Variants in SLC37A1 observed in about 807,000 individuals in gnomAD.
SLC37A1 encodes glucose-6-phosphate exchanger SLC37A1.
SLC37A1 carries 49 observed loss-of-function variants against 75.3 expected under a neutral mutation model. The observed-to-expected ratio is 0.65, with a 90% CI of 0.52 to 0.83. The LOEUF (loss-of-function observed/expected upper bound fraction) is 0.83. Among genes scored for constraint, SLC37A1 ranks in the 40% least tolerant of loss-of-function variants. The pLI is 0.00. For synonymous variants in SLC37A1, 268 were observed against 292.1 expected (o/e 0.92, Z 0.84); for missense variants, 566 against 695.0 (o/e 0.81, Z 2.09).
At chr21:42,577,480 A>G (rs1391268301) in intron 18 of SLC37A1, among the ~76,000 whole-genome samples, 2 of 152,242 alleles carry the variant, frequency 1.3e-5, no homozygotes, top group Non-Finnish European at 2.9e-5. Flanking sequence ...TGGGCAATAT[A>G]AAAAAGAACT....
chr21:42,568,189 C>T (rs1224511688), intron 16 of SLC37A1, among the ~76,000 whole-genome samples, 171 bp from the exon 17 acceptor site: 1 of 152,210 alleles, frequency 6.6e-6, no homozygotes, highest in Non-Finnish European at 1.5e-5. Context: ...CTCTTAAAAA[C>T]CCTTGAAGTT....
At chr21:42,520,369 T>C (rs2054618937) in intron 2 of SLC37A1, among the ~76,000 whole-genome samples, 1 of 152,200 alleles carries the variant, frequency 6.6e-6, no homozygotes, top group Non-Finnish European at 1.5e-5. Context: ...TCTGAGACAA[T>C]GGCCTTGTTG....
chr21:42,536,474 GT>G (rs900135729), intron 5 of SLC37A1, among the ~76,000 whole-genome samples: 2 of 151,484 alleles, frequency 1.3e-5, no homozygotes, highest in East Asian at 3.9e-4. Context: ...GTCCAGCCAG[GT>G]TTTTTTTTAA....
chr21:42,556,848 A>G (rs546705805), intron 10 of SLC37A1, among the ~76,000 whole-genome samples: 38 of 151,546 alleles, frequency 2.5e-4, no homozygotes, highest in Non-Finnish European at 5.6e-4. Context: ...GGAGCAAACA[A>G]CTCAGGTATG....
chr21:42,553,868 G>A (rs894625956), intron 9 of SLC37A1, among the ~76,000 whole-genome samples, 194 bp from the exon 10 acceptor site: 4 of 152,132 alleles, frequency 2.6e-5, no homozygotes, highest in African/African-American at 7.2e-5. Flanking sequence ...TTCAAGAGAG[G>A]ATTTTATGCT....
intron 3 of SLC37A1, among the ~76,000 whole-genome samples, chr21:42,533,320 C>T (rs1180356127): frequency 6.6e-6 from 1 of 152,208 alleles, no homozygotes; most frequent in African/African-American, 2.4e-5. Flanking sequence ...TCACTTGCCG[C>T]CATCACTCAC....
intron 2 of SLC37A1, among the ~76,000 whole-genome samples, chr21:42,520,486 C>T (rs2054621826): frequency 1.3e-5 from 2 of 152,260 alleles, no homozygotes; most frequent in South Asian, 4.1e-4. Flanking sequence ...TGACAGAAAT[C>T]CCATAGAAAT....
Position 42,580,711 on chromosome 21 carries a change from T to C in SLC37A1, c.*351T>C. 2.6e-6 allele frequency: 1 copy of C among 378,254 alleles called. No homozygotes were observed. The highest frequency in any genetic ancestry group is 4.9e-6 in the Non-Finnish European group (1 of 205,690). The allele number at this position is 378,254 out of a possible 1,614,324, so 23.4% of individuals were successfully genotyped here. ...GGGGGTGCACAGGTAGCCCCGACCC[T>C]CTCAGGCATTCCAGCCACAGAACAT... On this transcript the variant is annotated 3_prime_UTR_variant, in exon 20 of 20. Coordinates refer to ENST00000352133, the MANE Select transcript of SLC37A1 (RefSeq NM_001320537.2).
At chr21:42,574,775 T>C in intron 17 of SLC37A1, 43 bp from the exon 18 acceptor site, 1 of 1,602,480 alleles carries the variant, frequency 6.2e-7, no homozygotes, top group Admixed American at 1.7e-5. Context: ...GTGCTGGGAT[T>C]TTCTCTAAAC....
chr21:42,561,920 G>A (rs113128276), intron 11 of SLC37A1, 158 bp from the exon 12 acceptor site: 15 of 651,200 alleles, frequency 2.3e-5, no homozygotes, highest in African/African-American at 1.1e-4. Flanking sequence ...ACCACACAGC[G>A]GTGCAGCACC....
intron 2 of SLC37A1, among the ~76,000 whole-genome samples, chr21:42,503,578 C>T (rs1182650588): frequency 1.3e-5 from 2 of 152,094 alleles, no homozygotes. Context: ...AACAATGTGT[C>T]GGGTGTCTTT....
chr21:42,505,621 C>T (rs1412555489), intron 2 of SLC37A1, among the ~76,000 whole-genome samples: 1 of 152,186 alleles, frequency 6.6e-6, no homozygotes, highest in Admixed American at 6.5e-5. Flanking sequence ...CAGCCCCCAG[C>T]AGGTAGGGAG....
In SLC37A1 at chr21:42,528,782, G is replaced by A. The variant is rs375263641; in HGVS notation, c.138+2925G>A. 1.5e-4 allele frequency among the ~76,000 whole-genome samples: 23 copies of A among 152,200 alleles called. No homozygotes were observed. In the East Asian group the frequency reaches 4.1e-3, roughly 27 times the overall value. ...AGGCGAAGTTTGCAGTGAGCCGAGA[G>A]CGCACCATTGCCCTCCAGCCTGGGC... On this transcript the variant is annotated intron_variant, in intron 3 of 19. Coordinates refer to ENST00000352133, the MANE Select transcript of SLC37A1 (RefSeq NM_001320537.2).
intron 10 of SLC37A1, among the ~76,000 whole-genome samples, chr21:42,558,243 C>T (rs189216180): frequency 2.0e-5 from 3 of 152,278 alleles, no homozygotes; most frequent in Admixed American, 1.3e-4. Context: ...CCTTTAGGAA[C>T]GTCTAGACAA....
chr21:42,566,871 G>GT (rs1285435444), intron 15 of SLC37A1, 114 bp from the exon 16 acceptor site: 4 of 1,043,966 alleles, frequency 3.8e-6, no homozygotes, highest in Non-Finnish European at 5.6e-6. Context: ...AGAGGAAGCT[G>GT]TTTCTGCTGC....
In SLC37A1 at chr21:42,545,467, A is replaced by G. The variant is rs1180937849; in HGVS notation, c.731-1636A>G. ...AGGTACTAAAGGCATCAGATGTGCC[A>G]TTCTTGCGGTCAACAGAGGATGTGG... is the stretch of plus-strand genomic sequence containing the variant. On this transcript the variant is annotated intron_variant, in intron 8 of 19. Transcript: ENST00000352133. The surrounding 1 kb of genome is among the most constrained non-coding windows in gnomAD (Gnocchi z 4.0). Among the ~76,000 whole-genome samples the G allele has an allele frequency of 6.6e-6, 1 of 152,158 alleles. No homozygotes were observed. The highest frequency in any genetic ancestry group is 1.5e-5 in the Non-Finnish European group (1 of 68,034).
intron 1 of SLC37A1, among the ~76,000 whole-genome samples, chr21:42,515,282 A>C (rs1240741025): frequency 6.6e-6 from 1 of 152,252 alleles, no homozygotes; most frequent in Non-Finnish European, 1.5e-5. Context: ...CGTAATTTAA[A>C]AAAAAGAAAA....
In SLC37A1 at chr21:42,539,435, G is replaced by T. The variant is rs546357384; in HGVS notation, c.351-77G>T. 3.7e-5 allele frequency: 56 copies of T among 1,497,080 alleles called. No individual in the cohort carries two copies. The South Asian group carries it at 3.9e-4, about 11-fold the overall frequency. The allele number at this position is 1,497,080 out of a possible 1,614,324, so 92.7% of individuals were successfully genotyped here. A position where few individuals can be genotyped will look rare whatever the true frequency, so the allele number is the denominator to read the frequency against. On this transcript the variant is annotated intron_variant, in intron 5 of 19. Transcript: ENST00000352133. The stretch of plus-strand genomic sequence containing the variant: ...TCAGAGAACAGCATGAAAGCATCCG[G>T]CAAGAAACAGCCACGAGGTTGCTAA...
chr21:42,551,500 G>T (rs1409788053), intron 9 of SLC37A1, among the ~76,000 whole-genome samples: 1 of 152,208 alleles, frequency 6.6e-6, no homozygotes, highest in Non-Finnish European at 1.5e-5. Flanking sequence ...TTTTGGAGGT[G>T]ATGAAAATGT....
Sources: allele counts gnomAD v4.1 joint callset (sites outside exome capture counted in the v4.1 genomes callset), GRCh38; gene constraint gnomAD v4.1.1; non-coding constraint Gnocchi (gnomAD v3.1); transcripts MANE v1.5; gene names NCBI Gene and HGNC (gene_info 2026-07-23, HGNC 2026-07-21).